Variants in DENND10 observed in about 807,000 individuals in gnomAD.
DENND10 encodes DENN domain-containing protein 10.
Under a neutral mutation model 43.6 loss-of-function variants are expected in DENND10, and 24 were observed. That is an observed-to-expected ratio of 0.55 (90% CI 0.40 to 0.77). The LOEUF is 0.77. Among genes scored for constraint, DENND10 ranks in the 30% least tolerant of loss-of-function variants. The pLI, the probability that DENND10 is intolerant of heterozygous loss-of-function variation, is 0.00. For synonymous variants in DENND10, 125 were observed against 157.6 expected, an observed-to-expected ratio of 0.79 and a Z score of 1.55; for missense variants, 303 against 429.9, an observed-to-expected ratio of 0.70 and a Z score of 2.61.
intron 1 of DENND10, chr10:119,105,021 A>G (rs1266015881): frequency 6.6e-6 from 1 of 152,244 alleles, no homozygotes; most frequent in Non-Finnish European, 1.5e-5. Context: ...GCTCTGAGGA[A>G]TGTAATTATC....
intron 3 of DENND10, among the ~76,000 whole-genome samples, chr10:119,112,814 C>G (rs1174079105): frequency 6.7e-6 from 1 of 148,848 alleles, no homozygotes; most frequent in African/African-American, 2.5e-5. Flanking sequence ...GATATTAGCT[C>G]TTTCTTAATG....
intron 3 of DENND10, 101 bp downstream of exon 3, chr10:119,112,029 G>C: frequency 1.2e-6 from 1 of 858,410 alleles, no homozygotes; most frequent in Non-Finnish European, 1.9e-6. Flanking sequence ...TCAGCCTTGT[G>C]TCTCCCCAGC....
chr10:119,119,293 C>T (rs901151573), intron 4 of DENND10, among the ~76,000 whole-genome samples: 23 of 151,600 alleles, frequency 1.5e-4, no homozygotes, highest in Middle Eastern at 3.4e-3. Context: ...CATGAGCTTC[C>T]GCGCCCGGCC....
In DENND10 at chr10:119,117,684, C is replaced by T. The variant is rs371560694; in HGVS notation, c.481+17C>T. 35 of 1,612,514 alleles carry T rather than the reference C, an allele frequency of 2.2e-5. No individual in the cohort carries two copies. Among genetic ancestry groups the T allele is most frequent in the Non-Finnish European group, 2.9e-5 (34 of 1,179,520 alleles). On this transcript the variant is annotated intron_variant, in intron 4 of 8. Transcript: ENST00000361432. Reference sequence around the variant, plus strand: ...CCATCAAAGGTAAGAAGGGAAAAAACAGGCCAGGGACGGTGGCTCACGCCT... The same window carrying T: ...CCATCAAAGGTAAGAAGGGAAAAAATAGGCCAGGGACGGTGGCTCACGCCT...
Position 119,104,517 on chromosome 10 carries a change from C to T in DENND10, c.55+320C>T, listed in dbSNP as rs1844588491. On this transcript the variant is annotated intron_variant, in intron 1 of 8. Transcript: ENST00000361432. ...TGCCCGGCGGAGCCGGGACGTCGAG[C>T]GCTCCCAGGCTGGGCAGCTGCGAGG... 2.0e-5 allele frequency among the ~76,000 whole-genome samples: 3 copies of T among 150,256 alleles called. No homozygotes were observed. In the South Asian group the frequency reaches 6.2e-4, roughly 31 times the overall value.
At chr10:119,121,704 C>T (rs548373799) in intron 5 of DENND10, among the ~76,000 whole-genome samples, 105 of 151,384 alleles carry the variant, frequency 6.9e-4, no homozygotes, top group Non-Finnish European at 1.0e-3. Context: ...CTGCCCGTCT[C>T]GGCCTCCTGA....
intron 2 of DENND10, among the ~76,000 whole-genome samples, chr10:119,108,371 T>C (rs922171129): frequency 6.6e-6 from 1 of 150,994 alleles, no homozygotes; most frequent in Non-Finnish European, 1.5e-5. Context: ...TAGTCCCAGC[T>C]ACTCAGGAGG....
At position 119,136,626 on chromosome 10, in the gene DENND10, C is replaced by T. The variant is rs575048084; in HGVS notation, c.1053C>T (p.Ala351=). ...TENFLYHLAA[A]EQMLKI ...ACTTCCTTTATCATCTAGCAGCAGC[C>T]GAACAAATGCTGAAAATCTGACTGT... The change falls in exon 9 of 9, where the codon GCC becomes GCT. Residue 351 remains alanine (A), a synonymous_variant. Transcript: ENST00000361432. 4.0e-6 allele frequency: 6 copies of T among 1,514,864 alleles called. No homozygotes were observed. The highest frequency in any genetic ancestry group is 3.7e-5 in the South Asian group (3 of 80,314). The allele number at this position is 1,514,864 out of a possible 1,614,324, so 93.8% of individuals were successfully genotyped here.
Position 119,112,232 on chromosome 10 carries a change from T to G in DENND10, c.332+304T>G, listed in dbSNP as rs188391512. 1.5e-4 allele frequency among the ~76,000 whole-genome samples: 23 copies of G among 152,304 alleles called. 1 individual carries two copies. Among genetic ancestry groups the G allele is most frequent in the Non-Finnish European group, 1.5e-5 (1 of 68,028 alleles). On this transcript the variant is annotated intron_variant, in intron 3 of 8. Transcript: ENST00000361432. ...TGTTCACTTCCAGTCTAGAATTCCC[T>G]TAGTAGGTTGGATAAGTTAAGGGCC...
intron 4 of DENND10, among the ~76,000 whole-genome samples, chr10:119,119,449 G>A (rs1392132949): frequency 1.3e-5 from 2 of 151,808 alleles, no homozygotes; most frequent in African/African-American, 2.4e-5. Context: ...GCCTAATTTT[G>A]TATTTTTGGT....
chr10:119,104,552 C>T (rs1041739014), intron 1 of DENND10, among the ~76,000 whole-genome samples: 2 of 146,844 alleles, frequency 1.4e-5, no homozygotes, highest in African/African-American at 2.5e-5. Context: ...GGGCGCTGCG[C>T]GGGCGGGGCC....
chr10:119,111,266 A>C (rs1589717234), intron 2 of DENND10, among the ~76,000 whole-genome samples: 1 of 21,790 alleles, frequency 4.6e-5, no homozygotes, highest in African/African-American at 2.1e-4. Flanking sequence ...AATGTCCCAA[A>C]AAAAAAAAAA....
intron 3 of DENND10, among the ~76,000 whole-genome samples, chr10:119,112,557 A>G (rs1845029012): frequency 7.1e-6 from 1 of 140,748 alleles, no homozygotes; most frequent in Non-Finnish European, 1.5e-5. Context: ...CAGCGGCTTC[A>G]TCATGGCTCA....
In DENND10 at chr10:119,120,375, C is replaced by T; in HGVS notation, c.516C>T (p.Ile172=). ...IVSQFGMETV[I]LHTALMLKKR... The stretch of plus-strand genomic sequence containing the variant: ...CTCAGTTTGGAATGGAAACTGTTAT[C>T]TTACACACAGCACTGATGCTAAAGA... Residue 172 remains isoleucine, a synonymous_variant, in exon 5 of 9, where the codon ATC becomes ATT. Transcript: ENST00000361432. The T allele has an allele frequency of 1.2e-6, 2 of 1,612,570 alleles. No homozygotes were observed. The highest frequency in any genetic ancestry group is 1.3e-5 in the African/African-American group (1 of 74,984).
Position 119,132,480 on chromosome 10 carries a change from C to T in DENND10, c.803-35C>T, listed in dbSNP as rs368628729. 6.5e-6 allele frequency: 10 copies of T among 1,537,334 alleles called. No homozygotes were observed. In the Admixed American group the frequency reaches 1.5e-4, roughly 23 times the overall value. On this transcript the variant is annotated intron_variant, in intron 7 of 8. Coordinates refer to ENST00000361432, the MANE Select transcript of DENND10 (RefSeq NM_207009.4). The surrounding 1 kb of genome is among the most constrained non-coding windows in gnomAD (Gnocchi z 4.2). The stretch of plus-strand genomic sequence containing the variant: ...TAGATGGCATGATTATTTTTTATGT[C>T]GATTTCTAAATATTCACCTTCTTGA...
chr10:119,121,832 A>C (rs1235255538), intron 5 of DENND10, among the ~76,000 whole-genome samples: 1 of 152,100 alleles, frequency 6.6e-6, no homozygotes, highest in Non-Finnish European at 1.5e-5. Flanking sequence ...GATACCTTAA[A>C]TTATTAAATT....
At chr10:119,104,549 G>T (rs2133445592) in intron 1 of DENND10, among the ~76,000 whole-genome samples, 1 of 148,600 alleles carries the variant, frequency 6.7e-6, no homozygotes, top group East Asian at 2.0e-4. Flanking sequence ...GAGGGGCGCT[G>T]CGCGGGCGGG....
intron 3 of DENND10, among the ~76,000 whole-genome samples, chr10:119,112,832 C>A (rs1181767047): frequency 6.7e-6 from 1 of 150,020 alleles, no homozygotes; most frequent in African/African-American, 2.4e-5. Flanking sequence ...ATGATGAAGG[C>A]TTTTGCAGAG....
chr10:119,136,015 A>AAAG (rs1308732683), intron 8 of DENND10, among the ~76,000 whole-genome samples: 2 of 151,872 alleles, frequency 1.3e-5, no homozygotes, highest in African/African-American at 4.8e-5. Context: ...ATCTCTACAA[A>AAAG]AAGTATTTAA....
Sources: allele counts gnomAD v4.1 joint callset (sites outside exome capture counted in the v4.1 genomes callset), GRCh38; gene constraint gnomAD v4.1.1; non-coding constraint Gnocchi (gnomAD v3.1); transcripts MANE v1.5; gene names NCBI Gene and HGNC (gene_info 2026-07-23, HGNC 2026-07-21).